SGSM3: variants seen among roughly 807,000 people sequenced by gnomAD.
SGSM3 encodes the protein RUN and SH3 containing 3.
A neutral mutation model predicts 100.5 loss-of-function variants in SGSM3; 96 were observed. The observed-to-expected ratio is 0.96, with a 90% CI of 0.81 to 1.13. The LOEUF (loss-of-function observed/expected upper bound fraction) is 1.13. SGSM3 is among the 50% of genes most tolerant of loss of function. The pLI is 0.00. For synonymous variants in SGSM3, 483 were observed against 422.8 expected (o/e 1.14, Z -1.75); for missense variants, 1,001 against 1,015.8 (o/e 0.99, Z 0.20).
chr22:40,409,355 G>C lies in SGSM3; in HGVS notation c.2094G>C (p.Gln698His). Reference protein sequence around the residue: ...WSFLRSPGWVQIKCELRVLCC... With the variant: ...WSFLRSPGWVHIKCELRVLCC... ...TCCTGCGCAGCCCGGGCTGGGTCCAGATCAAGTGTGAGCTCCGGTGAGGAC... is the reference window on the plus strand; with the variant it reads ...TCCTGCGCAGCCCGGGCTGGGTCCACATCAAGTGTGAGCTCCGGTGAGGAC... The change falls in exon 20 of 22, where the codon CAG becomes CAC. Residue 698 changes from glutamine to histidine, a missense_variant. Gln to His is a conservative substitution (Grantham distance 24). Transcript: ENST00000248929. The C allele has an allele frequency of 1.2e-6, 2 of 1,606,948 alleles. No homozygotes were observed. Among genetic ancestry groups the C allele is most frequent in the Non-Finnish European group, 1.7e-6 (2 of 1,176,224 alleles).
At chr22:40,394,365 T>C (rs1191960054) in intron 1 of SGSM3, among the ~76,000 whole-genome samples, 2 of 152,144 alleles carry the variant, frequency 1.3e-5, no homozygotes, top group Non-Finnish European at 2.9e-5. Flanking sequence ...ACTTGGAGAC[T>C]GGCCAGGCAT....
rs897735057 is a variant in SGSM3 at position 40,409,871 on chromosome 22, C to CAATA, written c.*113_*116dup. 15 of 1,461,898 alleles carry CAATA rather than the reference C, an allele frequency of 1.0e-5. No individual in the cohort carries two copies. The highest frequency in any genetic ancestry group is 1.4e-5 in the African/African-American group (1 of 70,488). The allele number at this position is 1,461,898 out of a possible 1,614,324, so 90.6% of individuals were successfully genotyped here. A position where few individuals can be genotyped will look rare whatever the true frequency, so the allele number is the denominator to read the frequency against. ...AGCCCTGGCCGGGGCCGCGGGATAT[C>CAATA]AATATCAGGCTGCCCCACTCCACGT... On this transcript the variant is annotated 3_prime_UTR_variant, in exon 22 of 22. Coordinates refer to ENST00000248929, the MANE Select transcript of SGSM3 (RefSeq NM_015705.6).
Position 40,409,993 on chromosome 22 carries a change from C to G in SGSM3, c.*234C>G. The G allele has an allele frequency of 7.5e-7, 1 of 1,332,544 alleles. No individual in the cohort carries two copies. The highest frequency in any genetic ancestry group is 3.0e-5 in the East Asian group (1 of 33,000). 82.5% of individuals were successfully genotyped at this position (1,332,544 alleles called of 1,614,324 possible). ...CCAAACCACAGTTTGTACCAAAAACCTTGTGAGGAGGTGGGGGAGCCATGT... is the reference window on the plus strand; with the variant it reads ...CCAAACCACAGTTTGTACCAAAAACGTTGTGAGGAGGTGGGGGAGCCATGT... On this transcript the variant is annotated 3_prime_UTR_variant, in exon 22 of 22. Coordinates refer to ENST00000248929, the MANE Select transcript of SGSM3 (RefSeq NM_015705.6).
chr22:40,374,753 G>A (rs760860888), intron 1 of SGSM3, among the ~76,000 whole-genome samples: 1 of 152,208 alleles, frequency 6.6e-6, no homozygotes, highest in Admixed American at 6.5e-5. Flanking sequence ...GGTGATGTGC[G>A]CCTGTGGTCC....
chr22:40,371,204 CTG>C (rs1223344119), intron 1 of SGSM3, among the ~76,000 whole-genome samples: 3 of 152,226 alleles, frequency 2.0e-5, no homozygotes, highest in African/African-American at 7.2e-5. Context: ...ACGGGGGAAA[CTG>C]AGGCATACGT....
At chr22:40,385,958 T>C (rs2048352462) in intron 1 of SGSM3, among the ~76,000 whole-genome samples, 1 of 151,606 alleles carries the variant, frequency 6.6e-6, no homozygotes, top group African/African-American at 2.4e-5. Context: ...CCCAGGCGAT[T>C]CTCCTATCTC....
intron 3 of SGSM3, 71 bp from the exon 4 acceptor site, chr22:40,402,068 G>GT: frequency 8.5e-7 from 1 of 1,176,058 alleles, no homozygotes; most frequent in Non-Finnish European, 1.3e-6. Context: ...AACCCTGTGG[G>GT]TGGCATCTTT....
chr22:40,408,547 G>A, intron 16 of SGSM3, 80 bp from the exon 17 acceptor site: 1 of 1,591,602 alleles, frequency 6.3e-7, no homozygotes, highest in Admixed American at 1.7e-5. Context: ...GCAGCGTGGT[G>A]ACAGGTGCCC....
At chr22:40,406,866 G>T in intron 10 of SGSM3, 151 bp from the exon 11 acceptor site, 1 of 933,042 alleles carries the variant, frequency 1.1e-6, no homozygotes, top group Non-Finnish European at 1.7e-6. Flanking sequence ...GGCACGGTTT[G>T]GGAGGAAGGC....
In SGSM3 at chr22:40,404,608, T is replaced by C; in HGVS notation, c.418T>C (p.Ser140Pro). ...GCAGAAGAAGAGGAACTCTGAGCTG[T>C]CCTACCGCGAGATTGTGAAGAACAG... ...ALQKKRNSEL[S>P]YREIVKNSSN... The change falls in exon 6 of 22, where the codon TCC (serine) becomes CCC (proline). Residue 140 changes from serine to proline, a missense_variant. Ser to Pro is a moderately conservative substitution (Grantham distance 74, BLOSUM62 -1). Transcript: ENST00000248929. The C allele has an allele frequency of 6.2e-7, 1 of 1,613,834 alleles. No homozygotes were observed. The highest frequency in any genetic ancestry group is 1.1e-5 in the South Asian group (1 of 91,046).
chr22:40,392,934 T>C (rs2049548951), intron 1 of SGSM3, among the ~76,000 whole-genome samples: 1 of 152,240 alleles, frequency 6.6e-6, no homozygotes, highest in African/African-American at 2.4e-5. Context: ...AATCATACAG[T>C]ATGCAGCCCC....
intron 1 of SGSM3, among the ~76,000 whole-genome samples, chr22:40,392,431 A>G (rs2049480395): frequency 6.6e-6 from 1 of 152,100 alleles, no homozygotes; most frequent in African/African-American, 2.4e-5. Context: ...TTTCACAGTT[A>G]TGGATAAGCT....
Position 40,407,768 on chromosome 22 carries a change from G to T in SGSM3, c.1525-21G>T, listed in dbSNP as rs758704045. 3 of 1,614,004 alleles carry T rather than the reference G, an allele frequency of 1.9e-6. No individual in the cohort carries two copies. The South Asian group carries it at 3.3e-5, about 18-fold the overall frequency. ...CCCAGGGCACCCAGCTTTGGTTCCT[G>T]CTGTTTTTCCTCCTGTGCAGATCGT... On this transcript the variant is annotated intron_variant, in intron 13 of 21. Coordinates refer to ENST00000248929, the MANE Select transcript of SGSM3 (RefSeq NM_015705.6). The surrounding 1 kb of genome is among the most constrained non-coding windows in gnomAD (Gnocchi z 4.7).
In SGSM3 at chr22:40,410,009, G is replaced by A. The variant is rs2052385715; in HGVS notation, c.*250G>A. The A allele has an allele frequency of 3.0e-6, 4 of 1,338,212 alleles. No homozygotes were observed. The highest frequency in any genetic ancestry group is 3.0e-5 in the East Asian group (1 of 33,242). The allele number at this position is 1,338,212 out of a possible 1,614,324, so 82.9% of individuals were successfully genotyped here. ...ACCAAAAACCTTGTGAGGAGGTGGGGGAGCCATGTCTGTGCTCAGGAAGAG... is the reference window on the plus strand; with the variant it reads ...ACCAAAAACCTTGTGAGGAGGTGGGAGAGCCATGTCTGTGCTCAGGAAGAG... On this transcript the variant is annotated 3_prime_UTR_variant, in exon 22 of 22. Transcript: ENST00000248929.
At chr22:40,401,759 G>C in intron 3 of SGSM3, 84 bp downstream of exon 3, 1 of 1,163,528 alleles carries the variant, frequency 8.6e-7, no homozygotes, top group South Asian at 1.2e-5. Flanking sequence ...TGCCCAGGAA[G>C]AGGTGGCCAA....
Position 40,407,979 on chromosome 22 carries a change from C to A in SGSM3, c.1580-92C>A. ...CTTGAGGTCCCTGAAGCAGCTGAGCCGGCTTCCCACTGCCTCAGCCTGCCT... is the reference window on the plus strand; with the variant it reads ...CTTGAGGTCCCTGAAGCAGCTGAGCAGGCTTCCCACTGCCTCAGCCTGCCT... On this transcript the variant is annotated intron_variant, in intron 14 of 21. Transcript: ENST00000248929. This position sits in a 1 kb window ranked among gnomAD's most constrained non-coding sequence, Gnocchi z 4.7. The A allele has an allele frequency of 6.7e-7, 1 of 1,485,872 alleles. No individual in the cohort carries two copies. Among genetic ancestry groups the A allele is most frequent in the South Asian group, 1.2e-5 (1 of 81,716 alleles). 92.0% of individuals were successfully genotyped at this position (1,485,872 alleles called of 1,614,324 possible).
intron 3 of SGSM3, 82 bp from the exon 4 acceptor site, chr22:40,402,057 C>T: frequency 9.2e-7 from 1 of 1,085,716 alleles, no homozygotes. Context: ...TTTTAGCAGG[C>T]AACCCTGTGG....
intron 16 of SGSM3, 85 bp downstream of exon 16, chr22:40,408,514 C>A: frequency 6.3e-7 from 1 of 1,589,782 alleles, no homozygotes; most frequent in East Asian, 2.2e-5. Flanking sequence ...CTTCCTGCCC[C>A]ACAGAGAGGA....
At chr22:40,394,508 C>T (rs1007796144) in intron 1 of SGSM3, among the ~76,000 whole-genome samples, 1 of 151,826 alleles carries the variant, frequency 6.6e-6, no homozygotes, top group African/African-American at 2.4e-5. Flanking sequence ...TAGCCGGGTG[C>T]GGTGGTGGGC....
Sources: gnomAD v4.1 joint callset for allele counts (sites outside exome capture counted in the v4.1 genomes callset) on GRCh38, gnomAD v4.1.1 for gene constraint, Gnocchi (gnomAD v3.1) non-coding constraint, MANE v1.5 for transcripts, NCBI Gene and HGNC (gene_info 2026-07-23, HGNC 2026-07-21) for gene names.